GLRA3: variants seen among roughly 807,000 people sequenced by gnomAD.
The protein encoded by GLRA3 is glycine receptor subunit alpha-3.
GLRA3 carries 44 observed loss-of-function variants against 60.4 expected under a neutral mutation model. That is an observed-to-expected ratio of 0.73 (90% confidence interval 0.57 to 0.94). The LOEUF is 0.94. Among genes scored for constraint, GLRA3 ranks in the 40% least tolerant of loss-of-function variants. GLRA3 has a pLI of 0.00. For synonymous variants in GLRA3, 223 were observed against 192.9 expected, an observed-to-expected ratio of 1.16 and a Z score of -1.29; for missense variants, 508 against 564.6, an observed-to-expected ratio of 0.90 and a Z score of 1.02.
Position 174,637,085 on chromosome 4 carries a change from A to C in GLRA3, c.*6701T>G, listed in dbSNP as rs946736925. 2.0e-5 allele frequency: 3 copies of C among 152,192 alleles called. No individual in the cohort carries two copies. The highest frequency in any genetic ancestry group is 7.2e-5 in the African/African-American group (3 of 41,454). 9.4% of individuals were successfully genotyped at this position (152,192 alleles called of 1,614,324 possible). On this transcript the variant is annotated 3_prime_UTR_variant, in exon 10 of 10. Transcript: ENST00000274093. ...AAACAAGTTGATGAAATCGTGCATA[A>C]ATTTTTAAATATGTTTTCAGTATAA...
chr4:174,803,789 A>G (rs1739917139), intron 1 of GLRA3, among the ~76,000 whole-genome samples: 1 of 152,186 alleles, frequency 6.6e-6, no homozygotes, highest in Non-Finnish European at 1.5e-5. Context: ...TGAGACTCAA[A>G]TGTAGAAAAA....
intron 4 of GLRA3, among the ~76,000 whole-genome samples, chr4:174,723,395 G>A (rs1318288236): frequency 6.6e-6 from 1 of 151,978 alleles, no homozygotes; most frequent in East Asian, 1.9e-4. Flanking sequence ...AGTAGTCTAG[G>A]TTTTATATTC....
Position 174,682,792 on chromosome 4 carries a change from C to T in GLRA3, c.712+10G>A, listed in dbSNP as rs1337224126. The T allele has an allele frequency of 3.7e-6, 6 of 1,602,694 alleles. No individual in the cohort carries two copies. The highest frequency in any genetic ancestry group is 5.1e-6 in the Non-Finnish European group (6 of 1,170,934). On this transcript the variant is annotated intron_variant, in intron 6 of 9. Coordinates refer to ENST00000274093, the MANE Select transcript of GLRA3 (RefSeq NM_006529.4). Reference sequence around the variant, plus strand: ...AGTAGTAAGTGTAAAGAACACTACTCAACCCCTACCTGTATTGTAATGTTT... The same window carrying T: ...AGTAGTAAGTGTAAAGAACACTACTTAACCCCTACCTGTATTGTAATGTTT...
intron 5 of GLRA3, among the ~76,000 whole-genome samples, chr4:174,709,633 T>C (rs1157245208): frequency 6.6e-6 from 1 of 152,060 alleles, no homozygotes; most frequent in East Asian, 1.9e-4. Context: ...AAACAGTATG[T>C]TGAACTTCTG....
intron 9 of GLRA3, among the ~76,000 whole-genome samples, chr4:174,655,540 A>T (rs928118035): frequency 1.3e-5 from 2 of 152,126 alleles, no homozygotes; most frequent in African/African-American, 4.8e-5. Flanking sequence ...TATAAACATT[A>T]ACTGTTTAGC....
At position 174,728,468 on chromosome 4, in the gene GLRA3, G is replaced by A. The variant is rs776039051; in HGVS notation, c.491+7C>T. On this transcript the variant is annotated splice_region_variant and intron_variant, in intron 4 of 9. Coordinates refer to ENST00000274093, the MANE Select transcript of GLRA3 (RefSeq NM_006529.4). ...ACTGAAATCGGCAATTTAAGTCCAC[G>A]ACTCACCTTATTGAATAAAGAACAT... The A allele has an allele frequency of 1.9e-5, 28 of 1,457,538 alleles. No homozygotes were observed. The highest frequency in any genetic ancestry group is 1.8e-4 in the Middle Eastern group (1 of 5,710). The allele number at this position is 1,457,538 out of a possible 1,614,324, so 90.3% of individuals were successfully genotyped here.
intron 4 of GLRA3, among the ~76,000 whole-genome samples, chr4:174,726,923 CA>C (rs1453815753): frequency 6.6e-6 from 1 of 152,022 alleles, no homozygotes; most frequent in Non-Finnish European, 1.5e-5. Flanking sequence ...TGGAATTCAC[CA>C]TTAATTTACT....
At chr4:174,750,847 A>G (rs1737445124) in intron 3 of GLRA3, among the ~76,000 whole-genome samples, 1 of 152,134 alleles carries the variant, frequency 6.6e-6, no homozygotes, top group Non-Finnish European at 1.5e-5. Flanking sequence ...AATAATCAAA[A>G]TAACACTGGG....
At chr4:174,701,193 G>T (rs530875907) in intron 5 of GLRA3, among the ~76,000 whole-genome samples, 266 of 152,272 alleles carry the variant, frequency 1.7e-3, no homozygotes, top group Non-Finnish European at 2.6e-3. Flanking sequence ...TGAAGCTGAT[G>T]ACTCTAAGTT....
intron 3 of GLRA3, among the ~76,000 whole-genome samples, chr4:174,736,472 C>T (rs988369320): frequency 5.9e-5 from 9 of 152,070 alleles, no homozygotes; most frequent in Non-Finnish European, 1.3e-4. Flanking sequence ...TTAGTGATCT[C>T]CTTTCCTCCT....
In GLRA3 at chr4:174,820,354, T is replaced by C. The variant is rs1230079662; in HGVS notation, c.71+8387A>G. The stretch of plus-strand genomic sequence containing the variant: ...ATGCCTGGAGTTATTTATCTGAAAT[T>C]GTTAATGTGCTTTAGAAAAGAAGAA... On this transcript the variant is annotated intron_variant, in intron 1 of 9. Coordinates refer to ENST00000274093, the MANE Select transcript of GLRA3 (RefSeq NM_006529.4). Among the ~76,000 whole-genome samples the C allele has an allele frequency of 2.0e-4, 31 of 152,168 alleles. 1 individual carries two copies. Among genetic ancestry groups the C allele is most frequent in the Admixed American group, 2.0e-3 (31 of 15,276 alleles).
intron 1 of GLRA3, among the ~76,000 whole-genome samples, chr4:174,822,292 T>G (rs376289234): frequency 6.6e-6 from 1 of 152,194 alleles, no homozygotes; most frequent in East Asian, 1.9e-4. Context: ...CCAAACTTCA[T>G]GCATGGAGCA....
intron 2 of GLRA3, among the ~76,000 whole-genome samples, chr4:174,771,096 G>C (rs1445326984): frequency 9.5e-6 from 1 of 104,960 alleles, no homozygotes; most frequent in Non-Finnish European, 1.8e-5. Flanking sequence ...GTGGGGGGAG[G>C]GGGGATGGAT....
intron 2 of GLRA3, among the ~76,000 whole-genome samples, chr4:174,787,033 A>G (rs1257403019): frequency 6.6e-6 from 1 of 152,070 alleles, no homozygotes; most frequent in African/African-American, 2.4e-5. Context: ...TCCTTTCCTG[A>G]TCTTACATAT....
At chr4:174,744,762 C>T (rs987678896) in intron 3 of GLRA3, among the ~76,000 whole-genome samples, 3 of 152,082 alleles carry the variant, frequency 2.0e-5, no homozygotes, top group Non-Finnish European at 4.4e-5. Flanking sequence ...AAATATGACG[C>T]CTTCAAGGGA....
chr4:174,811,305 G>A (rs1000184615), intron 1 of GLRA3, among the ~76,000 whole-genome samples: 9 of 151,274 alleles, frequency 5.9e-5, no homozygotes, highest in Non-Finnish European at 1.3e-4. Flanking sequence ...ATCAAAATTT[G>A]GAAGGTAAAA....
chr4:174,709,189 T>G (rs955307106), intron 5 of GLRA3, among the ~76,000 whole-genome samples: 4 of 152,088 alleles, frequency 2.6e-5, no homozygotes, highest in Non-Finnish European at 5.9e-5. Flanking sequence ...AGTAAACTAA[T>G]GCAATCTAAT....
chr4:174,821,663 T>C (rs1172739339), intron 1 of GLRA3, among the ~76,000 whole-genome samples: 1 of 152,084 alleles, frequency 6.6e-6, no homozygotes, highest in African/African-American at 2.4e-5. Context: ...GAGGCAATAA[T>C]GAAAAAAGTT....
At chr4:174,653,844 A>T (rs1250475257) in intron 9 of GLRA3, among the ~76,000 whole-genome samples, 1 of 152,102 alleles carries the variant, frequency 6.6e-6, no homozygotes, top group East Asian at 1.9e-4. Context: ...ATATTATTTT[A>T]TTAAGTATTA....
Sources: gnomAD v4.1 joint callset for allele counts (sites outside exome capture counted in the v4.1 genomes callset) on GRCh38, gnomAD v4.1.1 for gene constraint, MANE v1.5 for transcripts, NCBI Gene and HGNC (gene_info 2026-07-23, HGNC 2026-07-21) for gene names.